Variants in ATP1A4 observed in about 807,000 individuals in gnomAD.
ATP1A4 encodes sodium/potassium-transporting ATPase subunit alpha-4.
Under a neutral mutation model 114.3 loss-of-function variants are expected in ATP1A4, and 90 were observed. That is an observed-to-expected ratio of 0.79 (90% CI 0.66 to 0.94). The LOEUF (loss-of-function observed/expected upper bound fraction) is 0.94. Among genes scored for constraint, ATP1A4 ranks in the 40% least tolerant of loss-of-function variants. The probability of loss-of-function intolerance (pLI) is 0.00; values close to 1 mark genes in which losing one functional copy is unlikely to be tolerated. For synonymous variants in ATP1A4, 511 were observed against 494.1 expected (o/e 1.03, Z -0.45); for missense variants, 1,222 against 1,313.6 (o/e 0.93, Z 1.08).
chr1:160,156,249 G>GATAAGTGA (rs2102010329), intron 4 of ATP1A4, 91 bp downstream of exon 4: 2 of 889,880 alleles, frequency 2.2e-6, no homozygotes, highest in South Asian at 2.8e-5. Context: ...TATATCCTAT[G>GATAAGTGA]ATAAGTGAGC....
intron 18 of ATP1A4, 97 bp downstream of exon 18, chr1:160,177,761 G>T: frequency 8.6e-7 from 1 of 1,164,864 alleles, no homozygotes. Context: ...AAGAAGGGAA[G>T]CACCACACAA....
intron 18 of ATP1A4, 55 bp downstream of exon 18, chr1:160,177,719 G>A (rs991244447): frequency 2.3e-5 from 36 of 1,593,958 alleles, no homozygotes; most frequent in Non-Finnish European, 2.7e-5. Flanking sequence ...GAGTGACAGG[G>A]GAGAGTGAGT....
rs187412684 is a variant in ATP1A4 at position 160,175,021 on chromosome 1, G to A, written c.2311+274G>A. ...CTGAGACTCTGGTATACATAATATC[G>A]TCATTGTCCTCTCACTGGACTTCAA... is the stretch of plus-strand genomic sequence containing the variant. On this transcript the variant is annotated intron_variant, in intron 15 of 21. Transcript: ENST00000368081. 2.4e-3 allele frequency among the ~76,000 whole-genome samples: 367 copies of A among 152,158 alleles called. 2 individuals carry two copies. Among genetic ancestry groups the A allele is most frequent in the Non-Finnish European group, 4.4e-3 (296 of 67,994 alleles).
At chr1:160,186,560 G>A (rs1653902969) in intron 21 of ATP1A4, 111 bp from the exon 22 acceptor site, 1 of 1,305,014 alleles carries the variant, frequency 7.7e-7, no homozygotes, top group African/African-American at 1.5e-5. Context: ...TCAGTGCCCT[G>A]TGTTCCAGAC....
chr1:160,171,019 A>T (rs1000153213), intron 10 of ATP1A4: 2 of 407,330 alleles, frequency 4.9e-6, no homozygotes, highest in Admixed American at 4.0e-5. Flanking sequence ...AGGGAGCTTC[A>T]GGCTGAGAAG....
At chr1:160,174,056 C>G in intron 13 of ATP1A4, 55 bp from the exon 14 acceptor site, 1 of 1,586,054 alleles carries the variant, frequency 6.3e-7, no homozygotes. Context: ...GGCACCAAGA[C>G]CCCTGGTGAA....
chr1:160,181,600 T>C (rs1409668803), intron 18 of ATP1A4, 84 bp from the exon 19 acceptor site: 41 of 1,464,374 alleles, frequency 2.8e-5, no homozygotes, highest in Non-Finnish European at 3.6e-5. Context: ...AGCCCAGGGG[T>C]CCTGGAAGGT....
Position 160,175,943 on chromosome 1 carries a change from A to C in ATP1A4, c.2312-149A>C, listed in dbSNP as rs946059108. Reference sequence around the variant, plus strand: ...TCTGATTAAAAGGCACACAATTTAGAAACAATACTGGGACCCTGGAGGTCT... The same window carrying C: ...TCTGATTAAAAGGCACACAATTTAGCAACAATACTGGGACCCTGGAGGTCT... On this transcript the variant is annotated intron_variant, in intron 15 of 21. Transcript: ENST00000368081. The C allele has an allele frequency of 3.9e-6, 3 of 761,382 alleles. No homozygotes were observed. The African/African-American group carries it at 5.2e-5, about 13-fold the overall frequency. 47.2% of individuals were successfully genotyped at this position (761,382 alleles called of 1,614,324 possible). A position where few individuals can be genotyped will look rare whatever the true frequency, so the allele number is the denominator to read the frequency against.
chr1:160,174,834 C>G lies in ATP1A4; in HGVS notation c.2311+87C>G, dbSNP rs149794607. On this transcript the variant is annotated intron_variant, in intron 15 of 21. Transcript: ENST00000368081. ...ACATCCCCTCTTTCCGTTTTCCCAT[C>G]ATCCAACCTCCATGAGCCTGTACGG... The G allele has an allele frequency of 2.0e-4, 317 of 1,571,708 alleles. No individual in the cohort carries two copies. In the African/African-American group the frequency reaches 3.8e-3, roughly 19 times the overall value.
intron 6 of ATP1A4, 31 bp from the exon 7 acceptor site, chr1:160,164,125 A>G (rs773935629): frequency 3.7e-6 from 6 of 1,608,082 alleles, no homozygotes; most frequent in Non-Finnish European, 5.1e-6. Flanking sequence ...ATATCACAAC[A>G]TCACATTGCC....
In ATP1A4 at chr1:160,152,204, T is replaced by C. The variant is rs1571006255; in HGVS notation, c.147+17T>C. On this transcript the variant is annotated intron_variant, in intron 1 of 21. Coordinates refer to ENST00000368081, the MANE Select transcript of ATP1A4 (RefSeq NM_144699.4). ...GTGGTCATGGTGAGGCCACCCAAAGTGGGCGCTGACAGCTGCCCTCTGAAA... is the reference window on the plus strand; with the variant it reads ...GTGGTCATGGTGAGGCCACCCAAAGCGGGCGCTGACAGCTGCCCTCTGAAA... The C allele has an allele frequency of 6.2e-7, 1 of 1,610,864 alleles. No individual in the cohort carries two copies. The highest frequency in any genetic ancestry group is 8.5e-7 in the Non-Finnish European group (1 of 1,179,182).
intron 10 of ATP1A4, among the ~76,000 whole-genome samples, chr1:160,168,639 C>A (rs1349744393): frequency 2.0e-5 from 3 of 152,198 alleles, no homozygotes; most frequent in African/African-American, 7.2e-5. Flanking sequence ...CCGCCTCAGC[C>A]TCCCAAAGTG....
intron 6 of ATP1A4, among the ~76,000 whole-genome samples, chr1:160,160,132 G>T (rs1275074330): frequency 2.0e-5 from 3 of 152,164 alleles, no homozygotes; most frequent in Admixed American, 2.0e-4. Context: ...CCCTTAAGGA[G>T]GCCTGAAGAC....
chr1:160,186,953 C>T lies in ATP1A4; in HGVS notation c.*254C>T, dbSNP rs1020767528. On this transcript the variant is annotated 3_prime_UTR_variant, in exon 22 of 22. Coordinates refer to ENST00000368081, the MANE Select transcript of ATP1A4 (RefSeq NM_144699.4). ...TGCTGAATCCCGTAGCCAGTCTAGA[C>T]AGTAAATGTCTGGAAAAGCCCTCAC... 3.7e-6 allele frequency: 2 copies of T among 543,426 alleles called. No homozygotes were observed. Among genetic ancestry groups the T allele is most frequent in the African/African-American group, 3.8e-5 (2 of 52,524 alleles). 33.7% of individuals were successfully genotyped at this position (543,426 alleles called of 1,614,324 possible). A position where few individuals can be genotyped will look rare whatever the true frequency, so the allele number is the denominator to read the frequency against.
chr1:160,180,815 C>T (rs2101656164), intron 18 of ATP1A4, among the ~76,000 whole-genome samples: 1 of 148,262 alleles, frequency 6.7e-6, no homozygotes, highest in East Asian at 2.0e-4. Flanking sequence ...CCCGGGTTCA[C>T]ACCATTCTCT....
intron 20 of ATP1A4, among the ~76,000 whole-genome samples, chr1:160,184,841 A>C (rs925739661): frequency 2.0e-5 from 3 of 152,270 alleles, no homozygotes; most frequent in African/African-American, 7.2e-5. Context: ...TCCTGGTCTA[A>C]TTATAAAAAG....
chr1:160,153,376 C>T (rs1322557228), intron 2 of ATP1A4, 152 bp downstream of exon 2: 2 of 645,942 alleles, frequency 3.1e-6, no homozygotes, highest in African/African-American at 1.8e-5. Context: ...ATGGACACTA[C>T]CTGGAAAAAG....
rs1312715782 is a variant in ATP1A4 at position 160,181,967 on chromosome 1, C to G, written c.2905C>G (p.Leu969Val). The G allele has an allele frequency of 6.2e-7, 1 of 1,614,174 alleles. No individual in the cohort carries two copies. The highest frequency in any genetic ancestry group is 1.1e-5 in the South Asian group (1 of 91,088). Residue 969 changes from leucine to valine, a missense_variant, in exon 20 of 22, where the codon CTC becomes GTC. Physicochemically the swap from Leu to Val is conservative, Grantham distance 32 (BLOSUM62 1). Coordinates refer to ENST00000368081, the MANE Select transcript of ATP1A4 (RefSeq NM_144699.4). The part of the protein sequence containing the change: ...VLIFGILEET[L>V]LAAFLSYTPG... Reference sequence around the variant, plus strand: ...AATATTTGGGATCCTGGAGGAGACACTCTTGGCTGCATTTCTGTCCTACAC... The same window carrying G: ...AATATTTGGGATCCTGGAGGAGACAGTCTTGGCTGCATTTCTGTCCTACAC...
At position 160,167,406 on chromosome 1, in the gene ATP1A4, G is replaced by C. The variant is rs1653080563; in HGVS notation, c.1485G>C (p.Lys495Asn). The C allele has an allele frequency of 6.2e-7, 1 of 1,612,296 alleles. No individual in the cohort carries two copies. The highest frequency in any genetic ancestry group is 1.3e-5 in the African/African-American group (1 of 74,718). ...AGATTCCCTTTAATTCTACCAACAA[G>C]TACCAGGTACAGAACCCACAAAGGT... ...VAEIPFNSTN[K>N]YQMSIHLRED... Residue 495 changes from lysine to asparagine, a missense_variant, in exon 10 of 22, where the codon AAG becomes AAC. By Grantham distance (94) the Lys-to-Asn change is moderately conservative. Coordinates refer to ENST00000368081, the MANE Select transcript of ATP1A4 (RefSeq NM_144699.4).
Sources: allele counts gnomAD v4.1 joint callset (sites outside exome capture counted in the v4.1 genomes callset), GRCh38; gene constraint gnomAD v4.1.1; transcripts MANE v1.5; gene names NCBI Gene and HGNC (gene_info 2026-07-23, HGNC 2026-07-21).